The following FBXO34 variants were observed in gnomAD, a reference collection of about 807,000 sequenced individuals.
FBXO34 encodes F-box only protein 34.
FBXO34 carries 12 observed loss-of-function variants against 24.5 expected under a neutral mutation model. That is an observed-to-expected ratio of 0.49 (90% CI 0.31 to 0.79). The LOEUF is 0.79. Among genes scored for constraint, FBXO34 ranks in the 30% least tolerant of loss-of-function variants. FBXO34 has a pLI of 0.04. For missense variants in FBXO34, 823 were observed against 857.7 expected, an observed-to-expected ratio of 0.96 and a Z score of 0.51; for synonymous variants, 320 against 311.9, an observed-to-expected ratio of 1.03 and a Z score of -0.27.
the FBXO34 span, among the ~76,000 whole-genome samples, chr14:55,396,732 A>G: frequency 6.6e-6 from 1 of 152,198 alleles, no homozygotes; most frequent in South Asian, 2.1e-4. Flanking sequence ...GCAAACCTCT[A>G]GGGTGCATCT....
chr14:55,328,285 C>G lies in FBXO34; in HGVS notation c.-10-22096C>G, dbSNP rs577257674. Among the ~76,000 whole-genome samples the G allele has an allele frequency of 1.3e-5, 2 of 152,196 alleles. 1 individual carries two copies. The highest frequency in any genetic ancestry group is 4.8e-5 in the African/African-American group (2 of 41,528). The stretch of plus-strand genomic sequence containing the variant: ...TGTTTTTTGTTTATAAAGTCGAGAA[C>G]TTTGATCTTTTCACTTGAAGGAAAC... On this transcript the variant is annotated intron_variant, in intron 1 of 1. Coordinates refer to ENST00000313833, the MANE Select transcript of FBXO34 (RefSeq NM_017943.4).
chr14:55,320,859 G>C (rs566413521), intron 1 of FBXO34, among the ~76,000 whole-genome samples: 2 of 152,328 alleles, frequency 1.3e-5, no homozygotes, highest in African/African-American at 4.8e-5. Context: ...TGTTGAGATA[G>C]CAGATGGCTG....
the FBXO34 span, among the ~76,000 whole-genome samples, chr14:55,390,756 T>C: frequency 2.0e-5 from 3 of 152,224 alleles, no homozygotes; most frequent in Non-Finnish European, 2.9e-5. Flanking sequence ...CTTATACAAA[T>C]GTTTTACAAG....
intron 1 of FBXO34, among the ~76,000 whole-genome samples, chr14:55,310,271 G>A (rs749638472): frequency 3.9e-5 from 6 of 152,168 alleles, no homozygotes; most frequent in Non-Finnish European, 7.3e-5. Flanking sequence ...CTATTAATGT[G>A]GAAGTATGTT....
intron 1 of FBXO34, among the ~76,000 whole-genome samples, chr14:55,289,650 C>T (rs1881876730): frequency 6.6e-6 from 1 of 152,206 alleles, no homozygotes; most frequent in South Asian, 2.1e-4. Context: ...ATCCTCCCAC[C>T]TCAGCCTCCC....
At chr14:55,362,858 T>G (rs1884611194), downstream of FBXO34, among the ~76,000 whole-genome samples, 3 of 151,876 alleles carry the variant, frequency 2.0e-5, no homozygotes, top group African/African-American at 7.3e-5. Flanking sequence ...ATTAGGGAAA[T>G]AAGCTGCTGG....
In FBXO34 at chr14:55,323,653, T is replaced by G. The variant is rs117409518; in HGVS notation, c.-10-26728T>G. On this transcript the variant is annotated intron_variant, in intron 1 of 1. Transcript: ENST00000313833. ...GCCTCAGCCTTCCAAAGTGCTGGGA[T>G]TAAAGGTGTGAGCCATGGCGCTTGG... 4.4e-3 allele frequency among the ~76,000 whole-genome samples: 674 copies of G among 152,268 alleles called. 19 individuals are homozygous for G. In the East Asian group the frequency reaches 0.069, roughly 16 times the overall value.
chr14:55,409,278 A>G, the FBXO34 span, among the ~76,000 whole-genome samples: 1 of 152,250 alleles, frequency 6.6e-6, no homozygotes, highest in African/African-American at 2.4e-5. Flanking sequence ...GAAACGGTCT[A>G]GAAACTGAGT....
intron 1 of FBXO34, among the ~76,000 whole-genome samples, chr14:55,291,175 C>T (rs1881933961): frequency 6.6e-6 from 1 of 152,148 alleles, no homozygotes; most frequent in African/African-American, 2.4e-5. Flanking sequence ...ACTACTGGAT[C>T]AAAGAGTATT....
At chr14:55,423,477 A>G in the FBXO34 span, among the ~76,000 whole-genome samples, 1 of 152,260 alleles carries the variant, frequency 6.6e-6, no homozygotes, top group African/African-American at 2.4e-5. Flanking sequence ...ACAAAGAAGG[A>G]ACATTTACCT....
the FBXO34 span, among the ~76,000 whole-genome samples, chr14:55,379,397 C>G: frequency 6.6e-6 from 1 of 151,794 alleles, no homozygotes; most frequent in Non-Finnish European, 1.5e-5. Context: ...AAAAAATTAG[C>G]CAGGTGTGGT....
At chr14:55,366,771 A>G (rs116219514), downstream of FBXO34, 511 of 152,782 alleles carry the variant, frequency 3.3e-3, 5 homozygotes, top group African/African-American at 0.012. Flanking sequence ...ACCAAGTTCT[A>G]TGGCTTTTTG....
At chr14:55,345,359 ACT>A (rs1884125411) in intron 1 of FBXO34, among the ~76,000 whole-genome samples, 1 of 151,844 alleles carries the variant, frequency 6.6e-6, no homozygotes, top group African/African-American at 2.4e-5. Flanking sequence ...CTTAACTTAG[ACT>A]CTCTTTATTT....
At chr14:55,414,344 C>A in the FBXO34 span, 1 of 1,508,864 alleles carries the variant, frequency 6.6e-7, no homozygotes, top group Non-Finnish European at 9.1e-7. Flanking sequence ...TGGACATATT[C>A]AAACCAGAAT....
At chr14:55,344,472 C>T (rs1884093166) in intron 1 of FBXO34, among the ~76,000 whole-genome samples, 1 of 152,040 alleles carries the variant, frequency 6.6e-6, no homozygotes, top group Admixed American at 6.5e-5. Flanking sequence ...CTTGACCAGA[C>T]CTGAGTCATT....
At chr14:55,327,908 GTT>G (rs386381425) in intron 1 of FBXO34, among the ~76,000 whole-genome samples, 13 of 48,722 alleles carry the variant, frequency 2.7e-4, no homozygotes, top group African/African-American at 6.8e-4. Flanking sequence ...GTTGTTGTTG[GTT>G]TTTTTTTTTT....
At chr14:55,413,634 GC>G in the FBXO34 span, 1 of 415,222 alleles carries the variant, frequency 2.4e-6, no homozygotes, top group Non-Finnish European at 4.8e-6. Flanking sequence ...TCTGGGTGGA[GC>G]AGGCTGGCGC....
chr14:55,321,666 G>T (rs947761487), intron 1 of FBXO34, among the ~76,000 whole-genome samples: 1 of 152,150 alleles, frequency 6.6e-6, no homozygotes, highest in Non-Finnish European at 1.5e-5. Context: ...CAAAGTGTTG[G>T]GATTACAGGC....
At chr14:55,435,577 G>C in the FBXO34 span, among the ~76,000 whole-genome samples, 1 of 152,022 alleles carries the variant, frequency 6.6e-6, no homozygotes, top group Non-Finnish European at 1.5e-5. Context: ...CCCAGCCTAA[G>C]TGAAAAATTA....
Sources: allele counts gnomAD v4.1 joint callset (sites outside exome capture counted in the v4.1 genomes callset), GRCh38; gene constraint gnomAD v4.1.1; transcripts MANE v1.5; gene names NCBI Gene and HGNC (gene_info 2026-07-23, HGNC 2026-07-21).